The following EPHA3 variants were observed in gnomAD, a reference collection of about 807,000 sequenced individuals.
The protein encoded by EPHA3 is EPH receptor A3, also known as ephrin type-A receptor 3.
In EPHA3, 42 loss-of-function variants were observed where a neutral mutation model predicts 107.1. That is an observed-to-expected ratio of 0.39 (90% confidence interval 0.31 to 0.51). The LOEUF (loss-of-function observed/expected upper bound fraction) is 0.51, where lower values mean the gene tolerates loss of function less well. EPHA3 is among the 20% of genes least tolerant of loss of function. The pLI, the probability that EPHA3 is intolerant of heterozygous loss-of-function variation, is 0.78. For synonymous variants in EPHA3, 461 were observed against 424.8 expected, an observed-to-expected ratio of 1.09 and a Z score of -1.05; for missense variants, 1,183 against 1,211.2, an observed-to-expected ratio of 0.98 and a Z score of 0.35.
intron 3 of EPHA3, among the ~76,000 whole-genome samples, chr3:89,223,924 T>G (rs1417272945): frequency 6.6e-6 from 1 of 152,210 alleles, no homozygotes; most frequent in African/African-American, 2.4e-5. Context: ...GTAATCTTTC[T>G]AAGATTAACA....
At chr3:89,140,928 A>G (rs1380235993) in intron 2 of EPHA3, among the ~76,000 whole-genome samples, 1 of 151,702 alleles carries the variant, frequency 6.6e-6, no homozygotes, top group East Asian at 1.9e-4. Context: ...ATTTCTCTAA[A>G]GGGCTATATA....
At chr3:89,476,602 T>A (rs907938747) in intron 16 of EPHA3, among the ~76,000 whole-genome samples, 3 of 143,466 alleles carry the variant, frequency 2.1e-5, no homozygotes, top group Non-Finnish European at 4.5e-5. Flanking sequence ...TATTTATTTA[T>A]TTATTTATTT....
chr3:89,383,437 T>C (rs1708549185), intron 5 of EPHA3, among the ~76,000 whole-genome samples: 1 of 152,088 alleles, frequency 6.6e-6, no homozygotes, highest in Non-Finnish European at 1.5e-5. Flanking sequence ...CTTTTGCCTC[T>C]AATTAAAAGT....
At chr3:89,243,215 A>G (rs1173205983) in intron 3 of EPHA3, among the ~76,000 whole-genome samples, 1 of 152,034 alleles carries the variant, frequency 6.6e-6, no homozygotes, top group Non-Finnish European at 1.5e-5. Flanking sequence ...CGATAAACAT[A>G]TGTGTGCATG....
chr3:89,256,407 C>A (rs1294629241), intron 3 of EPHA3, among the ~76,000 whole-genome samples: 1 of 151,086 alleles, frequency 6.6e-6, no homozygotes, highest in Non-Finnish European at 1.5e-5. Flanking sequence ...CCTGTCTCTA[C>A]TAAAAACAAA....
At position 89,429,154 on chromosome 3, in the gene EPHA3, A is replaced by G. The variant is rs1390521043; in HGVS notation, c.2123A>G (p.Asp708Gly). Reference sequence around the variant, plus strand: ...GAATACATGGAGAATGGTTCCTTGGATAGTTTCCTACGTGTAAGTAAGATG... The same window carrying G: ...GAATACATGGAGAATGGTTCCTTGGGTAGTTTCCTACGTGTAAGTAAGATG... ...VTEYMENGSL[D>G]SFLRKHDAQF... Residue 708 changes from aspartate to glycine, a missense_variant, in exon 12 of 17, where the codon GAT (aspartate) becomes GGT (glycine). Physicochemically the swap from Asp to Gly is moderately conservative, Grantham distance 94. Coordinates refer to ENST00000336596, the MANE Select transcript of EPHA3 (RefSeq NM_005233.6). The G allele has an allele frequency of 1.9e-6, 3 of 1,610,884 alleles. No individual in the cohort carries two copies. The highest frequency in any genetic ancestry group is 1.7e-6 in the Non-Finnish European group (2 of 1,177,794).
At chr3:89,165,622 T>A (rs960196049) in intron 2 of EPHA3, among the ~76,000 whole-genome samples, 1 of 152,236 alleles carries the variant, frequency 6.6e-6, no homozygotes, top group Non-Finnish European at 1.5e-5. Flanking sequence ...TAATTTTTAA[T>A]GTTATTACCT....
intron 16 of EPHA3, among the ~76,000 whole-genome samples, chr3:89,472,886 A>C (rs1710435865): frequency 6.6e-6 from 1 of 152,162 alleles, no homozygotes; most frequent in African/African-American, 2.4e-5. Flanking sequence ...ATCAACCAAC[A>C]GATTCACACC....
At chr3:89,279,702 T>C (rs1276737404) in intron 3 of EPHA3, among the ~76,000 whole-genome samples, 1 of 152,130 alleles carries the variant, frequency 6.6e-6, no homozygotes, top group African/African-American at 2.4e-5. Flanking sequence ...AATTCTAAAG[T>C]AAAGGTAGTA....
intron 1 of EPHA3, among the ~76,000 whole-genome samples, chr3:89,119,846 C>T (rs1707338669): frequency 6.6e-6 from 1 of 152,084 alleles, no homozygotes. Context: ...CCACTACATT[C>T]TTTGTTTCCT....
At chr3:89,219,940 C>A (rs1401279076) in intron 3 of EPHA3, among the ~76,000 whole-genome samples, 1 of 149,260 alleles carries the variant, frequency 6.7e-6, no homozygotes, top group Non-Finnish European at 1.5e-5. Flanking sequence ...GATCTCCTGA[C>A]CTCGTGATCC....
chr3:89,315,120 C>T (rs1324579402), intron 3 of EPHA3, among the ~76,000 whole-genome samples: 2 of 151,760 alleles, frequency 1.3e-5, no homozygotes, highest in Non-Finnish European at 2.9e-5. Flanking sequence ...CTGTCATGCA[C>T]GCTGTCCATC....
At chr3:89,120,539 A>G (rs1707354511) in intron 1 of EPHA3, among the ~76,000 whole-genome samples, 1 of 152,230 alleles carries the variant, frequency 6.6e-6, no homozygotes, top group Non-Finnish European at 1.5e-5. Context: ...TGATATCAGT[A>G]TGACCTTTAT....
At chr3:89,212,603 T>G (rs1031300370) in intron 3 of EPHA3, among the ~76,000 whole-genome samples, 7 of 152,086 alleles carry the variant, frequency 4.6e-5, no homozygotes, top group South Asian at 4.1e-4. Flanking sequence ...ATTTTTTTTT[T>G]TTGTTCTTTT....
intron 3 of EPHA3, among the ~76,000 whole-genome samples, chr3:89,329,366 G>A (rs917288472): frequency 1.4e-4 from 21 of 152,150 alleles, no homozygotes; most frequent in African/African-American, 4.8e-4. Flanking sequence ...TCCAGATAAA[G>A]TGAACAAAAA....
chr3:89,457,565 G>GA (rs1710124511), intron 15 of EPHA3, among the ~76,000 whole-genome samples: 2 of 152,190 alleles, frequency 1.3e-5, no homozygotes, highest in Admixed American at 1.3e-4. Flanking sequence ...CCCATTCGTG[G>GA]AAAAATTGTC....
intron 2 of EPHA3, among the ~76,000 whole-genome samples, chr3:89,190,585 C>T (rs1045174573): frequency 6.6e-6 from 1 of 152,124 alleles, no homozygotes; most frequent in Admixed American, 6.5e-5. Context: ...AACATGTTGA[C>T]ACGATTGCTT....
At chr3:89,361,928 TA>T (rs1208667319) in intron 5 of EPHA3, among the ~76,000 whole-genome samples, 1 of 151,226 alleles carries the variant, frequency 6.6e-6, no homozygotes, top group Non-Finnish European at 1.5e-5. Context: ...GCAATATTTT[TA>T]TATGTATTTT....
chr3:89,297,463 A>G (rs544828123), intron 3 of EPHA3, among the ~76,000 whole-genome samples: 4 of 152,312 alleles, frequency 2.6e-5, no homozygotes, highest in African/African-American at 9.6e-5. Flanking sequence ...ATATTTATCA[A>G]TTAAGGTTGC....
Sources: allele counts gnomAD v4.1 joint callset (sites outside exome capture counted in the v4.1 genomes callset), GRCh38; gene constraint gnomAD v4.1.1; transcripts MANE v1.5; gene names NCBI Gene and HGNC (gene_info 2026-07-23, HGNC 2026-07-21).